The following KHDRBS2 variants were observed in gnomAD, a reference collection of about 807,000 sequenced individuals.
The protein encoded by KHDRBS2 is KH domain-containing, RNA-binding, signal transduction-associated protein 2.
Under a neutral mutation model 44.3 loss-of-function variants are expected in KHDRBS2, and 26 were observed. The observed-to-expected ratio is 0.59, with a 90% CI of 0.43 to 0.81. The LOEUF is 0.81. Ranked by LOEUF, KHDRBS2 falls within the 40% of genes least tolerant of loss-of-function variation. The probability of loss-of-function intolerance (pLI) is 0.00; values close to 1 mark genes in which losing one functional copy is unlikely to be tolerated. For synonymous variants in KHDRBS2, 194 were observed against 151.1 expected (o/e 1.28, Z -2.08); for missense variants, 476 against 433.1 (o/e 1.10, Z -0.88).
the KHDRBS2 span, among the ~76,000 whole-genome samples, chr6:61,550,634 T>A: frequency 6.6e-6 from 1 of 152,166 alleles, no homozygotes; most frequent in Non-Finnish European, 1.5e-5. Flanking sequence ...GCCACACTGG[T>A]TTCCATAATG....
At chr6:61,686,653 A>G (rs944652500) in intron 8 of KHDRBS2, among the ~76,000 whole-genome samples, 8 of 151,666 alleles carry the variant, frequency 5.3e-5, no homozygotes, top group African/African-American at 1.4e-4. Flanking sequence ...CAATTTTCCT[A>G]CAAGGTAGCT....
chr6:61,985,530 GT>G (rs1774892569), intron 3 of KHDRBS2, among the ~76,000 whole-genome samples: 1 of 152,232 alleles, frequency 6.6e-6, no homozygotes, highest in African/African-American at 2.4e-5. Context: ...CCAAGAGGAA[GT>G]TTTCAAATGT....
chr6:62,187,281 G>A (rs748504680), intron 1 of KHDRBS2, among the ~76,000 whole-genome samples: 1 of 152,104 alleles, frequency 6.6e-6, no homozygotes, highest in Non-Finnish European at 1.5e-5. Flanking sequence ...GAAAGTAAGA[G>A]ATTTGAATAA....
chr6:62,081,248 C>T (rs1004028762), intron 2 of KHDRBS2, among the ~76,000 whole-genome samples: 1 of 151,958 alleles, frequency 6.6e-6, no homozygotes, highest in Non-Finnish European at 1.5e-5. Flanking sequence ...GTACAATAAT[C>T]GGAAAATGAA....
At chr6:62,187,318 T>C (rs1365485691) in intron 1 of KHDRBS2, among the ~76,000 whole-genome samples, 6 of 152,116 alleles carry the variant, frequency 3.9e-5, no homozygotes, top group Non-Finnish European at 7.4e-5. Context: ...AACCATTATA[T>C]CAATCATTCA....
chr6:62,118,630 C>T (rs1806865429), intron 2 of KHDRBS2, among the ~76,000 whole-genome samples: 1 of 152,140 alleles, frequency 6.6e-6, no homozygotes, highest in East Asian at 1.9e-4. Flanking sequence ...AGAGGAAGAC[C>T]TACCCTCAAT....
intron 2 of KHDRBS2, among the ~76,000 whole-genome samples, chr6:62,108,027 G>C (rs1238877870): frequency 6.6e-6 from 1 of 152,282 alleles, no homozygotes; most frequent in Admixed American, 6.5e-5. Context: ...TCAGGACATA[G>C]GCATGGGCAA....
At chr6:61,789,968 A>G (rs977257906) in intron 6 of KHDRBS2, among the ~76,000 whole-genome samples, 3 of 151,478 alleles carry the variant, frequency 2.0e-5, no homozygotes, top group African/African-American at 7.3e-5. Flanking sequence ...GCTAATTGAA[A>G]TTCTTGTGAA....
At chr6:61,548,050 AT>A in the KHDRBS2 span, among the ~76,000 whole-genome samples, 1 of 152,202 alleles carries the variant, frequency 6.6e-6, no homozygotes, top group East Asian at 1.9e-4. Flanking sequence ...AGAGCAAAGA[AT>A]TTACACATCA....
chr6:61,605,963 C>T, the KHDRBS2 span, among the ~76,000 whole-genome samples: 17 of 152,024 alleles, frequency 1.1e-4, no homozygotes, highest in Non-Finnish European at 1.9e-4. Context: ...CATTCCACCA[C>T]AAAAGAAGTG....
chr6:61,919,306 G>T (rs902858444), intron 4 of KHDRBS2, among the ~76,000 whole-genome samples: 5 of 151,814 alleles, frequency 3.3e-5, no homozygotes, highest in Admixed American at 6.6e-5. Context: ...GACATCTGAA[G>T]AATCCAAAAA....
chr6:62,226,601 G>C (rs953539981), intron 1 of KHDRBS2, among the ~76,000 whole-genome samples: 11 of 152,050 alleles, frequency 7.2e-5, no homozygotes, highest in African/African-American at 1.7e-4. Flanking sequence ...CCTCATGAAG[G>C]CTTTGCCCAT....
At chr6:62,283,412 A>G (rs757366770) in intron 1 of KHDRBS2, among the ~76,000 whole-genome samples, 1 of 152,134 alleles carries the variant, frequency 6.6e-6, no homozygotes, top group Non-Finnish European at 1.5e-5. Context: ...AAAATAAATC[A>G]TTGTGAAATC....
intron 1 of KHDRBS2, among the ~76,000 whole-genome samples, chr6:62,274,419 C>A (rs1330582355): frequency 6.6e-6 from 1 of 152,108 alleles, no homozygotes; most frequent in Non-Finnish European, 1.5e-5. Context: ...AGCATAAAAT[C>A]CAAAATTCTT....
intron 6 of KHDRBS2, among the ~76,000 whole-genome samples, chr6:61,744,923 T>A (rs1247516257): frequency 6.6e-6 from 1 of 152,156 alleles, no homozygotes; most frequent in Non-Finnish European, 1.5e-5. Context: ...CTACCGAAAC[T>A]TTCAAATCTG....
chr6:62,010,144 C>T (rs1173277819), intron 3 of KHDRBS2, among the ~76,000 whole-genome samples: 1 of 152,150 alleles, frequency 6.6e-6, no homozygotes, highest in African/African-American at 2.4e-5. Flanking sequence ...CTGACCAAGA[C>T]TACAGGAACC....
At chr6:61,622,357 T>G in the KHDRBS2 span, among the ~76,000 whole-genome samples, 1 of 152,050 alleles carries the variant, frequency 6.6e-6, no homozygotes, top group Non-Finnish European at 1.5e-5. Flanking sequence ...CAGCATTAAA[T>G]CTCAGCATAA....
intron 1 of KHDRBS2, among the ~76,000 whole-genome samples, chr6:62,220,240 T>A (rs1205852048): frequency 6.6e-6 from 1 of 151,782 alleles, no homozygotes; most frequent in Non-Finnish European, 1.5e-5. Flanking sequence ...ACCAGAGAAT[T>A]TGCCACCAAC....
At chr6:61,859,980 A>C (rs1394208654) in intron 6 of KHDRBS2, among the ~76,000 whole-genome samples, 2 of 152,012 alleles carry the variant, frequency 1.3e-5, no homozygotes, top group African/African-American at 4.8e-5. Flanking sequence ...TATTTGAGAC[A>C]TAGAGAAGAG....
Sources: allele counts gnomAD v4.1 joint callset (sites outside exome capture counted in the v4.1 genomes callset), GRCh38; gene constraint gnomAD v4.1.1; transcripts MANE v1.5; gene names NCBI Gene and HGNC (gene_info 2026-07-23, HGNC 2026-07-21).